Variants in DDX60 observed in about 807,000 individuals in gnomAD.
DDX60 encodes probable ATP-dependent RNA helicase DDX60.
In DDX60, 165 loss-of-function variants were observed where a neutral mutation model predicts 212.8. The observed-to-expected ratio is 0.78, with a 90% CI of 0.68 to 0.88. The LOEUF (loss-of-function observed/expected upper bound fraction) is 0.88, where lower values mean the gene tolerates loss of function less well. Among genes scored for constraint, DDX60 ranks in the 40% least tolerant of loss-of-function variants. The probability of loss-of-function intolerance (pLI) is 0.00; values close to 1 mark genes in which losing one functional copy is unlikely to be tolerated. For synonymous variants in DDX60, 703 were observed against 685.3 expected, an observed-to-expected ratio of 1.03 and a Z score of -0.40; for missense variants, 1,905 against 2,003.9, an observed-to-expected ratio of 0.95 and a Z score of 0.94.
intron 30 of DDX60, among the ~76,000 whole-genome samples, chr4:168,238,207 A>C (rs1733697082): frequency 6.8e-6 from 1 of 148,034 alleles, no homozygotes; most frequent in Non-Finnish European, 1.5e-5. Flanking sequence ...TGTATCTTTC[A>C]ACTTCCCATT....
At chr4:168,234,578 C>G (rs1051730275) in intron 33 of DDX60, among the ~76,000 whole-genome samples, 2 of 151,842 alleles carry the variant, frequency 1.3e-5, no homozygotes, top group Non-Finnish European at 2.9e-5. Flanking sequence ...AATTTTGTCT[C>G]TCTTCCTATT....
chr4:168,230,514 G>A (rs1176162892), intron 33 of DDX60, among the ~76,000 whole-genome samples: 4 of 151,930 alleles, frequency 2.6e-5, no homozygotes, highest in Non-Finnish European at 5.9e-5. Context: ...GAATAAAATT[G>A]GAAATCAACT....
intron 12 of DDX60, among the ~76,000 whole-genome samples, chr4:168,284,204 A>G (rs1000516715): frequency 2.0e-5 from 3 of 152,186 alleles, no homozygotes; most frequent in African/African-American, 7.2e-5. Flanking sequence ...TGGTTCATCT[A>G]AAGTATCCCC....
At chr4:168,255,926 C>A in intron 25 of DDX60, 57 bp from the exon 26 acceptor site, 1 of 1,502,922 alleles carries the variant, frequency 6.7e-7, no homozygotes, top group Non-Finnish European at 8.9e-7. Context: ...AATTCAAAAC[C>A]ATATTTCCAT....
At chr4:168,269,555 C>T (rs1485100828) in intron 19 of DDX60, among the ~76,000 whole-genome samples, 4 of 151,956 alleles carry the variant, frequency 2.6e-5, no homozygotes, top group South Asian at 4.2e-4. Flanking sequence ...GAGCTGAGAT[C>T]GCGCCACTGG....
At position 168,250,752 on chromosome 4, in the gene DDX60, C is replaced by G. The variant is rs551462946; in HGVS notation, c.3858+202G>C. Among the ~76,000 whole-genome samples, 9 of 152,012 alleles carry G rather than the reference C, an allele frequency of 5.9e-5. No individual in the cohort carries two copies. In the East Asian group the frequency reaches 1.8e-3, roughly 30 times the overall value. ...TGTTGGCCAGGCTGGTCTCGAACTTCTGACCTAGGTGATCCGTCCATCTCG... is the reference window on the plus strand; with the variant it reads ...TGTTGGCCAGGCTGGTCTCGAACTTGTGACCTAGGTGATCCGTCCATCTCG... On this transcript the variant is annotated intron_variant, in intron 28 of 37. Transcript: ENST00000393743.
intron 13 of DDX60, 100 bp downstream of exon 13, chr4:168,283,346 A>C (rs1438087897): frequency 3.1e-6 from 3 of 966,988 alleles, no homozygotes; most frequent in Non-Finnish European, 4.6e-6. Flanking sequence ...ATATCAAGAA[A>C]AGGCATTATA....
At chr4:168,271,304 C>A (rs373274278) in intron 19 of DDX60, among the ~76,000 whole-genome samples, 1 of 152,200 alleles carries the variant, frequency 6.6e-6, no homozygotes, top group East Asian at 1.9e-4. Context: ...GACCCATAGA[C>A]ACTTCGTCAA....
Position 168,274,037 on chromosome 4 carries a change from A to G in DDX60, c.2351T>C (p.Val784Ala). The change falls in exon 17 of 38, where the codon GTT becomes GCT. Residue 784 changes from valine (V) to alanine (A), a missense_variant. Transcript: ENST00000393743. ...VVDKNESAVI[V>A]APTSSGKTYA... is the part of the protein sequence containing the mutation. ...GGTTTTGCCTGAGGACGTTGGGGCAACAATCACTGCTGACTCATTCTTATC... is the reference window on the plus strand; with the variant it reads ...GGTTTTGCCTGAGGACGTTGGGGCAGCAATCACTGCTGACTCATTCTTATC... The G allele has an allele frequency of 6.2e-7, 1 of 1,614,208 alleles. No individual in the cohort carries two copies. The highest frequency in any genetic ancestry group is 1.1e-5 in the South Asian group (1 of 91,084).
At position 168,217,014 on chromosome 4, in the gene DDX60, T is replaced by C. The variant is rs773774011; in HGVS notation, c.5058A>G (p.Leu1686=). 1.6e-5 allele frequency: 25 copies of C among 1,605,828 alleles called. 3 individuals are homozygous for C. In the South Asian group the frequency reaches 2.8e-4, roughly 18 times the overall value. ...IKSISVSLRE[L]CENEDDNVVL... ...CAACGTTGTCGTCTTCATTTTCACATAGCTCACGCAAGGAAACACTGGAAA... is the reference window on the plus strand; with the variant it reads ...CAACGTTGTCGTCTTCATTTTCACACAGCTCACGCAAGGAAACACTGGAAA... Residue 1686 remains leucine, a synonymous_variant, in exon 38 of 38, where the codon CTA becomes CTG. Coordinates refer to ENST00000393743, the MANE Select transcript of DDX60 (RefSeq NM_017631.6).
At chr4:168,276,951 G>T (rs1735367428) in intron 14 of DDX60, among the ~76,000 whole-genome samples, 1 of 152,172 alleles carries the variant, frequency 6.6e-6, no homozygotes, top group Admixed American at 6.5e-5. Context: ...ATAGGAGGTT[G>T]CTGGAGAGAA....
chr4:168,297,374 GAAAGAAAGAGAAAGAAAGAAAGAAA>G (rs1736438862), intron 6 of DDX60, among the ~76,000 whole-genome samples: 1 of 54,670 alleles, frequency 1.8e-5, no homozygotes, highest in African/African-American at 1.4e-4. Context: ...AAGAAAGAAA[GAAAGAAAGAGAAAGAAAGAAAGAAA>G]GAAAGACAAT....
intron 6 of DDX60, among the ~76,000 whole-genome samples, chr4:168,296,748 G>A (rs1187164874): frequency 6.6e-6 from 1 of 151,696 alleles, no homozygotes; most frequent in Non-Finnish European, 1.5e-5. Flanking sequence ...CAAATTGTGT[G>A]AAAAATCTCA....
chr4:168,256,211 A>G (rs929875545), intron 25 of DDX60, among the ~76,000 whole-genome samples: 1 of 151,520 alleles, frequency 6.6e-6, no homozygotes, highest in African/African-American at 2.4e-5. Flanking sequence ...ACAGAGAACA[A>G]TGGTTTTTCT....
intron 9 of DDX60, 21 bp from the exon 10 acceptor site, chr4:168,287,224 C>T: frequency 6.3e-7 from 1 of 1,585,952 alleles, no homozygotes; most frequent in South Asian, 1.1e-5. Context: ...ATTAAAAACA[C>T]TAAATACTAG....
intron 33 of DDX60, among the ~76,000 whole-genome samples, chr4:168,225,897 C>T (rs1055085759): frequency 5.3e-5 from 8 of 151,950 alleles, no homozygotes; most frequent in African/African-American, 1.9e-4. Context: ...TACTCATTAC[C>T]CTTAAAAATG....
chr4:168,220,804 G>A, intron 36 of DDX60, 87 bp from the exon 37 acceptor site: 5 of 717,318 alleles, frequency 7.0e-6, no homozygotes, highest in Non-Finnish European at 6.1e-6. Flanking sequence ...TTATCAGTAA[G>A]AGGTTGCTTT....
At chr4:168,299,003 A>C (rs903034159) in intron 6 of DDX60, among the ~76,000 whole-genome samples, 1 of 152,010 alleles carries the variant, frequency 6.6e-6, no homozygotes, top group East Asian at 1.9e-4. Flanking sequence ...TCTACTAAAA[A>C]TACAAAAATT....
At chr4:168,233,352 T>A (rs1311535925) in intron 33 of DDX60, among the ~76,000 whole-genome samples, 3 of 152,148 alleles carry the variant, frequency 2.0e-5, no homozygotes, top group African/African-American at 7.2e-5. Flanking sequence ...GCAATCCCAC[T>A]ACTTGGTACC....
Sources: allele counts gnomAD v4.1 joint callset (sites outside exome capture counted in the v4.1 genomes callset), GRCh38; gene constraint gnomAD v4.1.1; transcripts MANE v1.5; gene names NCBI Gene and HGNC (gene_info 2026-07-23, HGNC 2026-07-21).